Variants in GIMAP7 observed in about 807,000 individuals in gnomAD.
The protein encoded by GIMAP7 is GTPase, IMAP family member 7, also known as GTPase IMAP family member 7.
For missense variants in GIMAP7, 323 were observed against 359.7 expected, an observed-to-expected ratio of 0.90 and a Z score of 0.83; for synonymous variants, 137 against 129.3, an observed-to-expected ratio of 1.06 and a Z score of -0.40.
intron 1 of GIMAP7, among the ~76,000 whole-genome samples, 175 bp downstream of exon 1, chr7:150,515,120 G>T (rs1431171428): frequency 1.3e-5 from 2 of 152,150 alleles, no homozygotes; most frequent in African/African-American, 4.8e-5. Flanking sequence ...AGATTTGTTT[G>T]CATGGAGCCC....
At position 150,519,911 on chromosome 7, in the gene GIMAP7, TCCCC is replaced by T; in HGVS notation, c.-41-22_-41-19del. ...CTCACTTACTAAAACTGGCTTTTTT[TCCCC>T]TATCTTCCCCTCCTTAAGGTCTTGT... On this transcript the variant is annotated intron_variant, in intron 1 of 1. Transcript: ENST00000313543. The T allele has an allele frequency of 6.1e-6, 9 of 1,483,804 alleles. No individual in the cohort carries two copies. In the Admixed American group the frequency reaches 8.5e-5, roughly 14 times the overall value. 91.9% of individuals were successfully genotyped at this position (1,483,804 alleles called of 1,614,324 possible). A position where few individuals can be genotyped will look rare whatever the true frequency, so the allele number is the denominator to read the frequency against.
chr7:150,520,036 A>G lies in GIMAP7; in HGVS notation c.62A>G (p.Lys21Arg). 6.2e-7 allele frequency: 1 copy of G among 1,613,810 alleles called. No individual in the cohort carries two copies. Among genetic ancestry groups the G allele is most frequent in the Non-Finnish European group, 8.5e-7 (1 of 1,179,846 alleles). The change falls in exon 2 of 2, where the codon AAA (lysine) becomes AGA (arginine). Residue 21 changes from lysine (K) to arginine (R), a missense_variant. Lys to Arg is a conservative substitution (Grantham distance 26, BLOSUM62 2). Coordinates refer to ENST00000313543, the MANE Select transcript of GIMAP7 (RefSeq NM_153236.4). ...CTGGTAGGGAAAACTGGAAGTGGGA[A>G]AAGTGCAACAGCGAACACCATCCTT... is the stretch of plus-strand genomic sequence containing the variant. ...IVLVGKTGSG[K>R]SATANTILGE...
At position 150,518,027 on chromosome 7, in the gene GIMAP7, C is replaced by T. The variant is rs183139298; in HGVS notation, c.-41-1907C>T. The stretch of plus-strand genomic sequence containing the variant: ...ATTTTCTTCACTTGGCTTTTTTTCA[C>T]TTAGCAGTATATCACAGAGATCTCT... On this transcript the variant is annotated intron_variant, in intron 1 of 1. Transcript: ENST00000313543. Among the ~76,000 whole-genome samples, 5 of 151,948 alleles carry T rather than the reference C, an allele frequency of 3.3e-5. No individual in the cohort carries two copies. In the East Asian group the frequency reaches 9.6e-4, roughly 29 times the overall value.
chr7:150,520,195 T>G lies in GIMAP7; in HGVS notation c.221T>G (p.Leu74Arg). ...TPGLFDTKES[L>R]DTTCKEISRC... ...GGGCTCTTTGACACCAAGGAGAGCC[T>G]GGACACCACCTGCAAGGAAATCAGC... Residue 74 changes from leucine (L) to arginine (R), a missense_variant, in exon 2 of 2, where the codon CTG (leucine) becomes CGG (arginine). Coordinates refer to ENST00000313543, the MANE Select transcript of GIMAP7 (RefSeq NM_153236.4). The G allele has an allele frequency of 6.2e-7, 1 of 1,614,150 alleles. No individual in the cohort carries two copies. The highest frequency in any genetic ancestry group is 8.5e-7 in the Non-Finnish European group (1 of 1,179,994).
At position 150,519,402 on chromosome 7, in the gene GIMAP7, G is replaced by A. The variant is rs910429550; in HGVS notation, c.-41-532G>A. ...CTAATTTTCTTCTTAACCTATTAAC[G>A]GGATGTGTTGTAACAATCAACATTC... On this transcript the variant is annotated intron_variant, in intron 1 of 1. Coordinates refer to ENST00000313543, the MANE Select transcript of GIMAP7 (RefSeq NM_153236.4). Among the ~76,000 whole-genome samples, 15 of 152,012 alleles carry A rather than the reference G, an allele frequency of 9.9e-5. 1 individual carries two copies. In the South Asian group the frequency reaches 1.0e-3, roughly 11 times the overall value.
Position 150,520,745 on chromosome 7 carries a change from T to C in GIMAP7, c.771T>C (p.Tyr257=). The C allele has an allele frequency of 6.7e-7, 1 of 1,503,316 alleles. No homozygotes were observed. The allele number at this position is 1,503,316 out of a possible 1,614,324, so 93.1% of individuals were successfully genotyped here. The change falls in exon 2 of 2, where the codon TAT becomes TAC. Residue 257 remains tyrosine, a synonymous_variant. Transcript: ENST00000313543. ...EKEIKLLKLK[Y]DEKIKNIREE... is the part of the protein sequence containing the mutation. ...AAATTAAATTACTAAAATTAAAATATGATGAAAAAATAAAAAATATAAGGG... is the reference window on the plus strand; with the variant it reads ...AAATTAAATTACTAAAATTAAAATACGATGAAAAAATAAAAAATATAAGGG...
intron 1 of GIMAP7, among the ~76,000 whole-genome samples, chr7:150,517,870 T>C (rs1319492509): frequency 6.6e-6 from 1 of 152,140 alleles, no homozygotes; most frequent in Non-Finnish European, 1.5e-5. Context: ...TTCTCTCATC[T>C]TCATATAAAT....
At chr7:150,517,780 C>T (rs1157483307) in intron 1 of GIMAP7, among the ~76,000 whole-genome samples, 2 of 151,926 alleles carry the variant, frequency 1.3e-5, no homozygotes, top group Non-Finnish European at 2.9e-5. Context: ...TTTAAATGTT[C>T]TCAAGATCAA....
rs764413246 is a variant in GIMAP7, at chr7:150,520,034, GA to G, written c.64del (p.Ser22ValfsTer41). The G allele has an allele frequency of 1.1e-3, 1,845 of 1,614,160 alleles. 2 individuals carry two copies. The highest frequency in any genetic ancestry group is 2.2e-3 in the Admixed American group (134 of 60,018). ...IVLVGKTGSG[K>X]SATANTILGE... is the part of the protein sequence containing the mutation. Reference sequence around the variant, plus strand: ...TTCTGGTAGGGAAAACTGGAAGTGGGAAAAGTGCAACAGCGAACACCATCCT... The same window carrying G: ...TTCTGGTAGGGAAAACTGGAAGTGGGAAAGTGCAACAGCGAACACCATCCT... On this transcript the variant is annotated frameshift_variant, in exon 2 of 2. Transcript: ENST00000313543. LOFTEE classifies it low-confidence loss of function (END_TRUNC).
At chr7:150,515,670 T>C (rs1795128277) in intron 1 of GIMAP7, among the ~76,000 whole-genome samples, 2 of 152,212 alleles carry the variant, frequency 1.3e-5, no homozygotes, top group Non-Finnish European at 2.9e-5. Context: ...TAAATGCTTT[T>C]GTCATTTCTC....
In GIMAP7 at chr7:150,516,999, A is replaced by G. The variant is rs182140339; in HGVS notation, c.-42+2054A>G. On this transcript the variant is annotated intron_variant, in intron 1 of 1. Transcript: ENST00000313543. Reference sequence around the variant, plus strand: ...GAATTTGTTTCATTAAAAGTTACCAAAAGATGATATTCTATCATTCTTTAT... The same window carrying G: ...GAATTTGTTTCATTAAAAGTTACCAGAAGATGATATTCTATCATTCTTTAT... Among the ~76,000 whole-genome samples, 602 of 152,350 alleles carry G rather than the reference A, an allele frequency of 4.0e-3. 44 individuals are homozygous for G. The South Asian group carries it at 0.12, about 30-fold the overall frequency.
Position 150,520,113 on chromosome 7 carries a change from T to C in GIMAP7, c.139T>C (p.Cys47Arg). ...TGCTGCCCAAGCTGTTACCAAGAAC[T>C]GTCAAAAAGCATCCCGGGAATGGCA... ...RIAAQAVTKN[C>R]QKASREWQGR... The change falls in exon 2 of 2, where the codon TGT (cysteine) becomes CGT (arginine). Residue 47 changes from cysteine (C) to arginine (R), a missense_variant. Transcript: ENST00000313543. 1 of 1,614,130 alleles carries C rather than the reference T, an allele frequency of 6.2e-7. No individual in the cohort carries two copies. Among genetic ancestry groups the C allele is most frequent in the Non-Finnish European group, 8.5e-7 (1 of 1,180,010 alleles).
chr7:150,520,237 C>T lies in GIMAP7; in HGVS notation c.263C>T (p.Ser88Phe), dbSNP rs1795174834. The change falls in exon 2 of 2, where the codon TCC (serine) becomes TTC (phenylalanine). Residue 88 changes from serine (S) to phenylalanine (F), a missense_variant. Ser to Phe is a radical substitution (Grantham distance 155). Transcript: ENST00000313543. ...CKEISRCIIS[S>F]CPGPHAIVLV... ...GAAATCAGCCGCTGCATCATCTCCT[C>T]CTGCCCAGGGCCCCATGCTATTGTC... 7.4e-6 allele frequency: 12 copies of T among 1,614,176 alleles called. No homozygotes were observed. The highest frequency in any genetic ancestry group is 1.0e-5 in the Non-Finnish European group (12 of 1,180,022).
chr7:150,520,517 A>G lies in GIMAP7; in HGVS notation c.543A>G (p.Gln181=). The G allele has an allele frequency of 6.2e-7, 1 of 1,614,238 alleles. No individual in the cohort carries two copies. The highest frequency in any genetic ancestry group is 8.5e-7 in the Non-Finnish European group (1 of 1,180,046). The change falls in exon 2 of 2, where the codon CAA becomes CAG. Residue 181 remains glutamine, a synonymous_variant. Coordinates refer to ENST00000313543, the MANE Select transcript of GIMAP7 (RefSeq NM_153236.4). The part of the protein sequence containing the change: ...KKTSKAEKES[Q]VQELVELIEK... Reference sequence around the variant, plus strand: ...CCAGTAAGGCAGAGAAGGAAAGTCAAGTGCAGGAGTTGGTGGAGCTGATAG... The same window carrying G: ...CCAGTAAGGCAGAGAAGGAAAGTCAGGTGCAGGAGTTGGTGGAGCTGATAG...
chr7:150,518,478 T>C (rs555603633), intron 1 of GIMAP7, among the ~76,000 whole-genome samples: 58 of 152,258 alleles, frequency 3.8e-4, no homozygotes, highest in African/African-American at 1.3e-3. Flanking sequence ...TTTTATGTAT[T>C]CAAGGATAAT....
chr7:150,515,554 G>A (rs1795126409), intron 1 of GIMAP7, among the ~76,000 whole-genome samples: 2 of 152,138 alleles, frequency 1.3e-5, no homozygotes, highest in African/African-American at 4.8e-5. Context: ...TGCAAGATTG[G>A]TTTTATTTTC....
rs1364357145 is a variant in GIMAP7 at position 150,520,286 on chromosome 7, C to G, written c.312C>G (p.Tyr104Ter). 3 of 1,614,058 alleles carry G rather than the reference C, an allele frequency of 1.9e-6. No homozygotes were observed. The highest frequency in any genetic ancestry group is 2.5e-6 in the Non-Finnish European group (3 of 1,180,048). ...TCCTAGTTCTGCTGCTGGGCCGCTACACAGAGGAGGAGCAGAAAACCGTTG... is the reference window on the plus strand; with the variant it reads ...TCCTAGTTCTGCTGCTGGGCCGCTAGACAGAGGAGGAGCAGAAAACCGTTG... ...AIVLVLLLGRYTEEEQKTVAL... is the reference protein window; with the variant it reads ...AIVLVLLLGR Residue 104 changes from tyrosine to a stop codon, truncating the protein, a stop_gained, in exon 2 of 2, where the codon TAC (tyrosine) becomes TAG (stop). Transcript: ENST00000313543. LOFTEE classifies it low-confidence loss of function (END_TRUNC).
chr7:150,520,106 C>A lies in GIMAP7; in HGVS notation c.132C>A (p.Thr44=). ...CTAGAATTGCTGCCCAAGCTGTTAC[C>A]AAGAACTGTCAAAAAGCATCCCGGG... ...FDSRIAAQAV[T]KNCQKASREW... Residue 44 remains threonine (T), a synonymous_variant, in exon 2 of 2, where the codon ACC becomes ACA. Coordinates refer to ENST00000313543, the MANE Select transcript of GIMAP7 (RefSeq NM_153236.4). 1 of 1,614,108 alleles carries A rather than the reference C, an allele frequency of 6.2e-7. No homozygotes were observed. The highest frequency in any genetic ancestry group is 1.1e-5 in the South Asian group (1 of 91,082).
chr7:150,520,234 C>T lies in GIMAP7; in HGVS notation c.260C>T (p.Ser87Phe), dbSNP rs267601406. ...AAGGAAATCAGCCGCTGCATCATCT[C>T]CTCCTGCCCAGGGCCCCATGCTATT... is the stretch of plus-strand genomic sequence containing the variant. ...TCKEISRCII[S>F]SCPGPHAIVL... The change falls in exon 2 of 2, where the codon TCC becomes TTC. Residue 87 changes from serine to phenylalanine, a missense_variant. Ser to Phe is a radical substitution (Grantham distance 155). Transcript: ENST00000313543. 1.2e-6 allele frequency: 2 copies of T among 1,614,188 alleles called. No homozygotes were observed. The highest frequency in any genetic ancestry group is 1.7e-6 in the Non-Finnish European group (2 of 1,180,016).
Sources: gnomAD v4.1 joint callset for allele counts (sites outside exome capture counted in the v4.1 genomes callset) on GRCh38, gnomAD v4.1.1 for gene constraint, MANE v1.5 for transcripts, NCBI Gene and HGNC (gene_info 2026-07-23, HGNC 2026-07-21) for gene names.